Variants in TMCO4 observed in about 807,000 individuals in gnomAD.
TMCO4 encodes transmembrane and coiled-coil domain-containing protein 4.
TMCO4 carries 58 observed loss-of-function variants against 64.7 expected under a neutral mutation model. That is an observed-to-expected ratio of 0.90 (90% CI 0.73 to 1.12). TMCO4 has a LOEUF of 1.12. TMCO4 is among the 50% of genes most tolerant of loss of function. The pLI, the probability that TMCO4 is intolerant of heterozygous loss-of-function variation, is 0.00. For missense variants in TMCO4, 780 were observed against 825.9 expected, an observed-to-expected ratio of 0.94 and a Z score of 0.68; for synonymous variants, 325 against 346.1, an observed-to-expected ratio of 0.94 and a Z score of 0.68.
intron 3 of TMCO4, among the ~76,000 whole-genome samples, chr1:19,781,839 G>A (rs898945096): frequency 1.4e-4 from 21 of 151,976 alleles, no homozygotes; most frequent in Admixed American, 2.0e-4. Context: ...GTAGAGACGG[G>A]GTTTCACTGT....
chr1:19,744,535 C>G (rs1002192707), intron 10 of TMCO4, among the ~76,000 whole-genome samples: 17 of 152,172 alleles, frequency 1.1e-4, no homozygotes, highest in African/African-American at 4.1e-4. Flanking sequence ...GTCCTTTGCT[C>G]TCTTCCACTT....
intron 4 of TMCO4, among the ~76,000 whole-genome samples, chr1:19,776,645 T>C (rs1001927582): frequency 6.6e-6 from 1 of 152,188 alleles, no homozygotes; most frequent in African/African-American, 2.4e-5. Flanking sequence ...CCCTCTTGGA[T>C]GGTGTTGCCA....
intron 2 of TMCO4, among the ~76,000 whole-genome samples, chr1:19,788,381 A>G (rs1027376304): frequency 6.6e-6 from 1 of 152,120 alleles, no homozygotes; most frequent in East Asian, 1.9e-4. Context: ...CTCTCTAGAA[A>G]GTTATTTTGT....
chr1:19,756,411 A>T (rs2042258577), intron 6 of TMCO4, among the ~76,000 whole-genome samples: 1 of 152,230 alleles, frequency 6.6e-6, no homozygotes, highest in African/African-American at 2.4e-5. Context: ...CTGGACAATA[A>T]GTATCAACAA....
chr1:19,760,319 C>T (rs1167356671), intron 6 of TMCO4, among the ~76,000 whole-genome samples: 2 of 152,162 alleles, frequency 1.3e-5, no homozygotes, highest in African/African-American at 4.8e-5. Flanking sequence ...ATGCCTGGAA[C>T]ACTCAGTTCC....
chr1:19,725,335 T>A (rs1032167568), intron 13 of TMCO4, among the ~76,000 whole-genome samples: 2 of 152,178 alleles, frequency 1.3e-5, no homozygotes, highest in Non-Finnish European at 2.9e-5. Flanking sequence ...CTTCAAAGCC[T>A]TTTGGATGCA....
chr1:19,758,101 G>C (rs2042344784), intron 6 of TMCO4, among the ~76,000 whole-genome samples: 1 of 152,198 alleles, frequency 6.6e-6, no homozygotes, highest in Non-Finnish European at 1.5e-5. Context: ...CTGGCCTCAT[G>C]TTTCCATGTG....
At chr1:19,692,575 CAAAAAAA>C (rs532713684) in intron 15 of TMCO4, among the ~76,000 whole-genome samples, 3 of 63,956 alleles carry the variant, frequency 4.7e-5, no homozygotes, top group East Asian at 4.8e-4. Flanking sequence ...ATTAAAAATA[CAAAAAAA>C]AAAAAAAAAA....
At chr1:19,745,780 T>A in intron 9 of TMCO4, 129 bp from the exon 10 acceptor site, 1 of 1,278,684 alleles carries the variant, frequency 7.8e-7, no homozygotes, top group Non-Finnish European at 1.1e-6. Flanking sequence ...AAAAACACAT[T>A]TTGTGTTTGA....
At chr1:19,774,228 G>A (rs923566212) in intron 4 of TMCO4, among the ~76,000 whole-genome samples, 1 of 152,174 alleles carries the variant, frequency 6.6e-6, no homozygotes, top group African/African-American at 2.4e-5. Flanking sequence ...AAGGGCTCAG[G>A]GCCAAGGACT....
Position 19,682,456 on chromosome 1 carries a change from ATGCAGCGCACAGCC to A in TMCO4, c.*570_*583del. 5.0e-6 allele frequency: 3 copies of A among 603,388 alleles called. No individual in the cohort carries two copies. Among genetic ancestry groups the A allele is most frequent in the Non-Finnish European group, 9.0e-6 (3 of 333,124 alleles). 37.4% of individuals were successfully genotyped at this position (603,388 alleles called of 1,614,324 possible). On this transcript the variant is annotated 3_prime_UTR_variant, in exon 16 of 16. Coordinates refer to ENST00000294543, the MANE Select transcript of TMCO4 (RefSeq NM_181719.7). ...CTGTGTGACTCATGTCCCTGGAGTT[ATGCAGCGCACAGCC>A]TACATGGCTGTACAGGGCAGATCTG...
intron 13 of TMCO4, among the ~76,000 whole-genome samples, chr1:19,704,970 T>G (rs899823686): frequency 1.3e-5 from 2 of 152,152 alleles, no homozygotes; most frequent in African/African-American, 4.8e-5. Flanking sequence ...TGCCCAGATG[T>G]ACCCTTAGAT....
At chr1:19,773,761 G>C (rs1012135630) in intron 4 of TMCO4, among the ~76,000 whole-genome samples, 3 of 152,092 alleles carry the variant, frequency 2.0e-5, no homozygotes, top group Non-Finnish European at 4.4e-5. Context: ...AATATAAAGG[G>C]CCGAAAGTGA....
chr1:19,779,220 C>T (rs373824176), intron 4 of TMCO4, among the ~76,000 whole-genome samples: 6 of 152,174 alleles, frequency 3.9e-5, no homozygotes, highest in African/African-American at 1.2e-4. Flanking sequence ...GTCCTAGTAA[C>T]GGTATCTCAG....
chr1:19,740,130 G>C (rs1369806256), intron 11 of TMCO4, among the ~76,000 whole-genome samples, 170 bp from the exon 12 acceptor site: 1 of 152,142 alleles, frequency 6.6e-6, no homozygotes, highest in Non-Finnish European at 1.5e-5. Flanking sequence ...ATGAATTTCT[G>C]ATATATGGAC....
intron 13 of TMCO4, among the ~76,000 whole-genome samples, chr1:19,720,551 A>G (rs2095377574): frequency 6.6e-6 from 1 of 152,118 alleles, no homozygotes; most frequent in Non-Finnish European, 1.5e-5. Context: ...CTAATGTTTT[A>G]TATTTGCCCA....
At chr1:19,790,760 A>C (rs2043991200) in intron 2 of TMCO4, among the ~76,000 whole-genome samples, 2 of 152,242 alleles carry the variant, frequency 1.3e-5, no homozygotes, top group South Asian at 4.1e-4. Context: ...CGATTCCTCA[A>C]AGATCTAGAA....
chr1:19,740,911 G>T lies in TMCO4; in HGVS notation c.908C>A (p.Ala303Asp). The change falls in exon 11 of 16, where the codon GCC becomes GAC. Residue 303 changes from alanine (A) to aspartate (D), a missense_variant. Ala to Asp is a moderately radical substitution (Grantham distance 126). Transcript: ENST00000294543. Reference sequence around the variant, plus strand: ...CAGGCAGTACTGCTCACGGCTGTGGGCCAGGGCAGCCCACGGGGCACTGAA... The same window carrying T: ...CAGGCAGTACTGCTCACGGCTGTGGTCCAGGGCAGCCCACGGGGCACTGAA... ...RTFSAPWAALAHSREQYCLAW... is the reference protein window; with the variant it reads ...RTFSAPWAALDHSREQYCLAW... The T allele has an allele frequency of 6.2e-7, 1 of 1,613,374 alleles. No homozygotes were observed. The highest frequency in any genetic ancestry group is 8.5e-7 in the Non-Finnish European group (1 of 1,179,700).
chr1:19,798,787 G>A (rs1177013364), intron 1 of TMCO4, among the ~76,000 whole-genome samples: 1 of 152,220 alleles, frequency 6.6e-6, no homozygotes. Context: ...TGTACTTCCT[G>A]AGGGCAGCGC....
Sources: gnomAD v4.1 joint callset for allele counts (sites outside exome capture counted in the v4.1 genomes callset) on GRCh38, gnomAD v4.1.1 for gene constraint, MANE v1.5 for transcripts, NCBI Gene and HGNC (gene_info 2026-07-23, HGNC 2026-07-21) for gene names.